RSU1: variants seen among roughly 807,000 people sequenced by gnomAD.
RSU1 encodes the protein Ras suppressor protein 1, also known as rsu-1.
A neutral mutation model predicts 31.1 loss-of-function variants in RSU1; 26 were observed. That is an observed-to-expected ratio of 0.84 (90% CI 0.61 to 1.16). The LOEUF is 1.16. Ranked by LOEUF, RSU1 falls within the 50% of genes most tolerant of loss-of-function variation. The pLI is 0.00. For synonymous variants in RSU1, 164 were observed against 136.3 expected (o/e 1.20, Z -1.41); for missense variants, 320 against 339.1 (o/e 0.94, Z 0.44).
chr10:16,728,971 A>G (rs1245552754), intron 7 of RSU1, among the ~76,000 whole-genome samples: 1 of 152,232 alleles, frequency 6.6e-6, no homozygotes, highest in East Asian at 1.9e-4. Flanking sequence ...CGCCCTCCAG[A>G]AGCATAAGAG....
At chr10:16,747,054 A>G (rs1434622252) in intron 7 of RSU1, among the ~76,000 whole-genome samples, 1 of 152,156 alleles carries the variant, frequency 6.6e-6, no homozygotes, top group African/African-American at 2.4e-5. Context: ...CTATGAAGCT[A>G]AAACACACCA....
chr10:16,599,235 C>A (rs180674322), intron 8 of RSU1, among the ~76,000 whole-genome samples: 1 of 151,660 alleles, frequency 6.6e-6, no homozygotes, highest in Non-Finnish European at 1.5e-5. Context: ...CAGGGCCATG[C>A]GGGGAAGTGC....
chr10:16,678,895 T>A (rs1835278089), intron 8 of RSU1, among the ~76,000 whole-genome samples: 1 of 151,402 alleles, frequency 6.6e-6, no homozygotes. Context: ...TACTCCATCA[T>A]GGAAAAAGAG....
intron 2 of RSU1, among the ~76,000 whole-genome samples, chr10:16,791,578 AC>A (rs1205368345): frequency 2.0e-5 from 3 of 151,378 alleles, no homozygotes; most frequent in African/African-American, 7.3e-5. Context: ...GCAGTGACCG[AC>A]ATCACACCAC....
At chr10:16,754,412 C>G (rs890597275) in intron 5 of RSU1, among the ~76,000 whole-genome samples, 3 of 152,058 alleles carry the variant, frequency 2.0e-5, no homozygotes, top group African/African-American at 7.2e-5. Flanking sequence ...TTTTAAAAGG[C>G]TCAAAATAGG....
chr10:16,736,561 A>C (rs930099044), intron 7 of RSU1, among the ~76,000 whole-genome samples: 2 of 152,186 alleles, frequency 1.3e-5, no homozygotes, highest in Non-Finnish European at 2.9e-5. Flanking sequence ...CAGACCATAA[A>C]AAAAGACAAA....
chr10:16,682,581 T>C (rs1351524092), intron 8 of RSU1, among the ~76,000 whole-genome samples: 1 of 47,144 alleles, frequency 2.1e-5, no homozygotes, highest in African/African-American at 8.1e-5. Context: ...CATGCATGCA[T>C]GTTACCTAGG....
chr10:16,633,828 C>A (rs1367421957), intron 8 of RSU1, among the ~76,000 whole-genome samples: 1 of 152,148 alleles, frequency 6.6e-6, no homozygotes, highest in Non-Finnish European at 1.5e-5. Flanking sequence ...ATTTGTCCTG[C>A]CCTGGGTGGG....
At chr10:16,621,000 T>C (rs1834059991) in intron 8 of RSU1, among the ~76,000 whole-genome samples, 3 of 152,214 alleles carry the variant, frequency 2.0e-5, no homozygotes, top group Admixed American at 1.3e-4. Flanking sequence ...CAGTGTTTTT[T>C]CAATCTGCGT....
chr10:16,676,949 T>G (rs1192811691), intron 8 of RSU1, among the ~76,000 whole-genome samples: 3 of 152,176 alleles, frequency 2.0e-5, no homozygotes, highest in South Asian at 2.1e-4. Context: ...CCTGAGGGAC[T>G]AAGGAGCTGG....
chr10:16,660,817 T>G (rs1224625054), intron 8 of RSU1, among the ~76,000 whole-genome samples: 1 of 151,882 alleles, frequency 6.6e-6, no homozygotes, highest in Admixed American at 6.6e-5. Flanking sequence ...CAGCTAATTT[T>G]TGTATTTTTA....
At chr10:16,625,245 G>C (rs1287836675) in intron 8 of RSU1, among the ~76,000 whole-genome samples, 2 of 152,080 alleles carry the variant, frequency 1.3e-5, no homozygotes, top group Non-Finnish European at 2.9e-5. Context: ...GACTTGGGAA[G>C]CAGACTCTCT....
intron 8 of RSU1, among the ~76,000 whole-genome samples, chr10:16,667,546 G>T (rs1184462390): frequency 6.6e-6 from 1 of 151,334 alleles, no homozygotes; most frequent in African/African-American, 2.4e-5. Context: ...GGAGTGCACT[G>T]GTGCTATCTT....
Position 16,745,713 on chromosome 10 carries a change from G to C in RSU1, c.598+6826C>G, listed in dbSNP as rs1010940119. 2.9e-4 allele frequency among the ~76,000 whole-genome samples: 44 copies of C among 152,158 alleles called. 1 individual carries two copies. Among genetic ancestry groups the C allele is most frequent in the Admixed American group, 2.8e-3 (43 of 15,268 alleles). The stretch of plus-strand genomic sequence containing the variant: ...TTATGGGAGCTACCAGATGAGATTT[G>C]GGTGAGGACACAGAGCCACATCATA... On this transcript the variant is annotated intron_variant, in intron 7 of 8. Coordinates refer to ENST00000345264, the MANE Select transcript of RSU1 (RefSeq NM_012425.4).
At chr10:16,633,858 G>A (rs1260996649) in intron 8 of RSU1, among the ~76,000 whole-genome samples, 2 of 152,090 alleles carry the variant, frequency 1.3e-5, no homozygotes, top group Non-Finnish European at 2.9e-5. Context: ...CACAACCCCT[G>A]GACCCCGAAG....
At chr10:16,601,281 T>C (rs575252659) in intron 8 of RSU1, among the ~76,000 whole-genome samples, 1 of 152,316 alleles carries the variant, frequency 6.6e-6, no homozygotes, top group South Asian at 2.1e-4. Flanking sequence ...CTCCTCTTTT[T>C]GTTTTTGGTC....
At chr10:16,815,423 G>A (rs150696022) in intron 2 of RSU1, among the ~76,000 whole-genome samples, 137 of 152,294 alleles carry the variant, frequency 9.0e-4, no homozygotes, top group African/African-American at 3.2e-3. Context: ...TGACTCTGCA[G>A]TTCTCTCCAT....
Position 16,590,631 on chromosome 10 carries a change from G to C in RSU1, c.*2763C>G, listed in dbSNP as rs932613061. The C allele has an allele frequency of 1.3e-5, 2 of 152,106 alleles. No individual in the cohort carries two copies. Among genetic ancestry groups the C allele is most frequent in the Non-Finnish European group, 2.9e-5 (2 of 68,030 alleles). 9.4% of individuals were successfully genotyped at this position (152,106 alleles called of 1,614,324 possible). On this transcript the variant is annotated 3_prime_UTR_variant, in exon 9 of 9. Transcript: ENST00000345264. Reference sequence around the variant, plus strand: ...ACCAATTTGATTTTGAAAAATACATGCATTTAATATTTTCTGATTACAAAA... The same window carrying C: ...ACCAATTTGATTTTGAAAAATACATCCATTTAATATTTTCTGATTACAAAA...
At chr10:16,735,883 T>G (rs1020733184) in intron 7 of RSU1, among the ~76,000 whole-genome samples, 2 of 152,010 alleles carry the variant, frequency 1.3e-5, no homozygotes, top group Non-Finnish European at 2.9e-5. Flanking sequence ...GAGATTTGGG[T>G]GGGGGCACAG....
Sources: allele counts gnomAD v4.1 joint callset (sites outside exome capture counted in the v4.1 genomes callset), GRCh38; gene constraint gnomAD v4.1.1; transcripts MANE v1.5; gene names NCBI Gene and HGNC (gene_info 2026-07-23, HGNC 2026-07-21).